Variants in EFHC1 observed in about 807,000 individuals in gnomAD.
EFHC1 encodes the protein EF-hand domain-containing protein 1.
A neutral mutation model predicts 69.9 loss-of-function variants in EFHC1; 53 were observed. The ratio of observed to expected loss-of-function variants is 0.76; its 90% CI spans 0.61 to 0.95. EFHC1 has a LOEUF of 0.95. Ranked by LOEUF, EFHC1 falls within the 40% of genes least tolerant of loss-of-function variation. The pLI, the probability that EFHC1 is intolerant of heterozygous loss-of-function variation, is 0.00. For missense variants in EFHC1, 739 were observed against 798.7 expected, an observed-to-expected ratio of 0.93 and a Z score of 0.90; for synonymous variants, 256 against 278.4, an observed-to-expected ratio of 0.92 and a Z score of 0.80.
intron 5 of EFHC1, among the ~76,000 whole-genome samples, chr6:52,455,969 A>T (rs1765035538): frequency 6.6e-6 from 1 of 152,220 alleles, no homozygotes; most frequent in African/African-American, 2.4e-5. Flanking sequence ...GTAGGAAAAA[A>T]TACATGAAAT....
chr6:52,452,789 C>T lies in EFHC1; in HGVS notation c.675C>T (p.Thr225=). The change falls in exon 4 of 11, where the codon ACC becomes ACT. Residue 225 remains threonine (T), a synonymous_variant. Transcript: ENST00000371068. ...LRKQPLRKYV[T]PSDFDQLKQF... ...AACAGCCTCTTCGTAAGTATGTCACCCCATCAGACTTTGATCAACTCAAGC... is the reference window on the plus strand; with the variant it reads ...AACAGCCTCTTCGTAAGTATGTCACTCCATCAGACTTTGATCAACTCAAGC... 1 of 1,614,124 alleles carries T rather than the reference C, an allele frequency of 6.2e-7. No individual in the cohort carries two copies. The highest frequency in any genetic ancestry group is 2.2e-5 in the East Asian group (1 of 44,874).
chr6:52,492,976 T>G lies in EFHC1; in HGVS notation c.*635T>G, dbSNP rs1765943750. ...GGTATTTTTCGATGAGATAAACATT[T>G]GAATCAGAAGACTAAGTAAAACAGA... On this transcript the variant is annotated 3_prime_UTR_variant, in exon 11 of 11. Transcript: ENST00000371068. 4.4e-6 allele frequency: 2 copies of G among 453,988 alleles called. No homozygotes were observed. The highest frequency in any genetic ancestry group is 8.8e-6 in the Non-Finnish European group (2 of 226,796). 28.1% of individuals were successfully genotyped at this position (453,988 alleles called of 1,614,324 possible).
chr6:52,448,408 A>G (rs575014673), intron 3 of EFHC1, among the ~76,000 whole-genome samples: 1 of 152,316 alleles, frequency 6.6e-6, no homozygotes, highest in Admixed American at 6.5e-5. Context: ...GCCATTTGCT[A>G]AGGCCATTGG....
At chr6:52,473,546 C>T (rs1370162197) in intron 7 of EFHC1, among the ~76,000 whole-genome samples, 1 of 151,958 alleles carries the variant, frequency 6.6e-6, no homozygotes. Flanking sequence ...TTTGGGAGAC[C>T]AAGGTGGGCA....
chr6:52,472,903 AGAC>A (rs1765469427), intron 7 of EFHC1, among the ~76,000 whole-genome samples: 1 of 152,242 alleles, frequency 6.6e-6, no homozygotes, highest in Admixed American at 6.5e-5. Flanking sequence ...AAAATTAAGA[AGAC>A]CTAAATAAAT....
chr6:52,486,522 CCTTTT>C (rs775473195), intron 9 of EFHC1: 22 of 152,264 alleles, frequency 1.4e-4, no homozygotes, highest in Admixed American at 2.6e-4. Flanking sequence ...TCTTTTTAAT[CCTTTT>C]CTTTTTCACT....
At position 52,493,365 on chromosome 6, in the gene EFHC1, C is replaced by CACATAT. The variant is rs150550566; in HGVS notation, c.*1025_*1026insCATATA. On this transcript the variant is annotated 3_prime_UTR_variant, in exon 11 of 11. Coordinates refer to ENST00000371068, the MANE Select transcript of EFHC1 (RefSeq NM_018100.4). ...ATAACTCTCTCTTTCTCTCTCTCTA[C>CACATAT]ATATATATATATATATATATTTTAT... 2 of 162,966 alleles carry CACATAT rather than the reference C, an allele frequency of 1.2e-5. No individual in the cohort carries two copies. Among genetic ancestry groups the CACATAT allele is most frequent in the South Asian group, 6.4e-5 (1 of 15,738 alleles). The allele number at this position is 162,966 out of a possible 1,614,324, so 10.1% of individuals were successfully genotyped here.
At chr6:52,437,472 G>A (rs1764559004) in intron 2 of EFHC1, 2 of 152,146 alleles carry the variant, frequency 1.3e-5, no homozygotes, top group Admixed American at 6.5e-5. Flanking sequence ...CGTATATTTT[G>A]GCCATTGCAG....
intron 9 of EFHC1, among the ~76,000 whole-genome samples, chr6:52,481,109 G>C (rs1255585796): frequency 6.6e-6 from 1 of 152,174 alleles, no homozygotes; most frequent in Non-Finnish European, 1.5e-5. Flanking sequence ...GGCCCAGGAT[G>C]GTGGTATCAG....
intron 5 of EFHC1, 133 bp from the exon 6 acceptor site, chr6:52,464,762 G>C (rs1765258751): frequency 2.8e-6 from 2 of 709,670 alleles, no homozygotes; most frequent in Non-Finnish European, 2.5e-6. Context: ...GAATGTTGGG[G>C]AGACCCTGAC....
chr6:52,453,572 A>G lies in EFHC1; in HGVS notation c.724-523A>G, dbSNP rs983037530. On this transcript the variant is annotated intron_variant, in intron 4 of 10. Transcript: ENST00000371068. ...TCATATCAGTCATATATCTGTTATTATTTTGTATTTAAAGATTGTGTTTAT... is the reference window on the plus strand; with the variant it reads ...TCATATCAGTCATATATCTGTTATTGTTTTGTATTTAAAGATTGTGTTTAT... 4 of 1,271,736 alleles carry G rather than the reference A, an allele frequency of 3.1e-6. No homozygotes were observed. In the African/African-American group the frequency reaches 6.4e-5, roughly 20 times the overall value. 78.8% of individuals were successfully genotyped at this position (1,271,736 alleles called of 1,614,324 possible). A position where few individuals can be genotyped will look rare whatever the true frequency, so the allele number is the denominator to read the frequency against.
chr6:52,428,963 A>G (rs954165100), intron 2 of EFHC1, among the ~76,000 whole-genome samples: 2 of 152,026 alleles, frequency 1.3e-5, no homozygotes, highest in African/African-American at 2.4e-5. Context: ...ACATTTTTTC[A>G]TATGTTTGTT....
At chr6:52,469,989 A>G (rs938057941) in intron 7 of EFHC1, among the ~76,000 whole-genome samples, 4 of 152,332 alleles carry the variant, frequency 2.6e-5, no homozygotes, top group African/African-American at 9.6e-5. Context: ...ATTGTATGAG[A>G]GAAGTTGCTG....
At position 52,449,350 on chromosome 6, in the gene EFHC1, C is replaced by T. The variant is rs144466313; in HGVS notation, c.574-3338C>T. Among the ~76,000 whole-genome samples the T allele has an allele frequency of 5.6e-3, 826 of 147,578 alleles. 6 individuals are homozygous for T. Among genetic ancestry groups the T allele is most frequent in the African/African-American group, 0.02 (777 of 39,252 alleles). ...GAGCCGAGATTGTGCCACTGCACTCCAGTCTGGGCGACAGAGCAAGACTCC... is the reference window on the plus strand; with the variant it reads ...GAGCCGAGATTGTGCCACTGCACTCTAGTCTGGGCGACAGAGCAAGACTCC... On this transcript the variant is annotated intron_variant, in intron 3 of 10. Coordinates refer to ENST00000371068, the MANE Select transcript of EFHC1 (RefSeq NM_018100.4).
At chr6:52,421,062 C>T in intron 1 of EFHC1, 1 of 993,088 alleles carries the variant, frequency 1.0e-6, no homozygotes, top group South Asian at 4.3e-5. Context: ...CCTCTTCTTT[C>T]CGCCAGGTCT....
intron 7 of EFHC1, among the ~76,000 whole-genome samples, chr6:52,473,174 T>G (rs894499146): frequency 6.6e-6 from 1 of 152,154 alleles, no homozygotes; most frequent in African/African-American, 2.4e-5. Flanking sequence ...AATAACATGT[T>G]ATTGGTGCAA....
intron 5 of EFHC1, among the ~76,000 whole-genome samples, chr6:52,459,115 G>A (rs141882706): frequency 1.3e-5 from 2 of 152,242 alleles, no homozygotes; most frequent in South Asian, 4.2e-4. Flanking sequence ...TACCTATCAG[G>A]TACTGTGTTC....
At chr6:52,433,978 C>G (rs1764471156) in intron 2 of EFHC1, among the ~76,000 whole-genome samples, 1 of 151,968 alleles carries the variant, frequency 6.6e-6, no homozygotes, top group South Asian at 2.1e-4. Flanking sequence ...AGTCATAGAC[C>G]TCACCCAGCT....
rs115640969 is a variant in EFHC1, at chr6:52,444,601, G to A, written c.573+6010G>A. 3.3e-3 allele frequency among the ~76,000 whole-genome samples: 505 copies of A among 152,258 alleles called. 2 individuals are homozygous for A. Among genetic ancestry groups the A allele is most frequent in the African/African-American group, 0.012 (480 of 41,548 alleles). ...TATGATGGATTCCATTTATTGATTC[G>A]TGTATGTTGAACCAGCCTTGCATCC... On this transcript the variant is annotated intron_variant, in intron 3 of 10. Transcript: ENST00000371068.
Sources: gnomAD v4.1 joint callset for allele counts (sites outside exome capture counted in the v4.1 genomes callset) on GRCh38, gnomAD v4.1.1 for gene constraint, MANE v1.5 for transcripts, NCBI Gene and HGNC (gene_info 2026-07-23, HGNC 2026-07-21) for gene names.